The following PJA2 variants were observed in gnomAD, a reference collection of about 807,000 sequenced individuals.
PJA2 encodes praja ring finger ubiquitin ligase 2, also known as E3 ubiquitin-protein ligase Praja-2.
Under a neutral mutation model 69.3 loss-of-function variants are expected in PJA2, and 25 were observed. That is an observed-to-expected ratio of 0.36 (90% CI 0.26 to 0.50). The LOEUF is 0.50. Ranked by LOEUF, PJA2 falls within the 20% of genes least tolerant of loss-of-function variation. The probability of loss-of-function intolerance (pLI) is 0.96; values close to 1 mark genes in which losing one functional copy is unlikely to be tolerated. For missense variants in PJA2, 809 were observed against 830.2 expected (o/e 0.97, Z 0.31); for synonymous variants, 308 against 277.8 (o/e 1.11, Z -1.08).
chr5:109,400,186 A>G (rs1019405555), intron 1 of PJA2, among the ~76,000 whole-genome samples: 2 of 151,794 alleles, frequency 1.3e-5, no homozygotes, highest in African/African-American at 4.8e-5. Context: ...GCTACTCAGG[A>G]GGCTGAGGTA....
chr5:109,395,058 G>A (rs1220371718), intron 1 of PJA2, among the ~76,000 whole-genome samples: 5 of 152,178 alleles, frequency 3.3e-5, no homozygotes, highest in African/African-American at 1.2e-4. Flanking sequence ...TTAGGGAGCA[G>A]TGTTCCAAGT....
At position 109,374,389 on chromosome 5, in the gene PJA2, G is replaced by A. The variant is rs760256076; in HGVS notation, c.1283+3815C>T. On this transcript the variant is annotated intron_variant, in intron 4 of 9. Coordinates refer to ENST00000361189, the MANE Select transcript of PJA2 (RefSeq NM_014819.5). ...CTGCATATAGATGTTTTATTTGTTG[G>A]GGGTAGTACCAAGTTCTCAGACAAA... 6.5e-4 allele frequency among the ~76,000 whole-genome samples: 99 copies of A among 152,142 alleles called. 2 individuals are homozygous for A. Among genetic ancestry groups the A allele is most frequent in the Non-Finnish European group, 1.3e-4 (9 of 68,022 alleles).
intron 1 of PJA2, among the ~76,000 whole-genome samples, chr5:109,403,433 CT>C (rs1747608279): frequency 6.6e-6 from 1 of 151,632 alleles, no homozygotes; most frequent in South Asian, 2.1e-4. Flanking sequence ...CATGCAAACT[CT>C]AAAAAAAATT....
At chr5:109,368,857 T>G (rs1440499256) in intron 4 of PJA2, 111 bp from the exon 5 acceptor site, 2 of 1,130,544 alleles carry the variant, frequency 1.8e-6, no homozygotes, top group Non-Finnish European at 2.5e-6. Context: ...AATCTCATGT[T>G]GAACTGTAAT....
chr5:109,356,072 G>C, intron 6 of PJA2, 46 bp from the exon 7 acceptor site: 4 of 1,307,006 alleles, frequency 3.1e-6, no homozygotes, highest in Non-Finnish European at 4.4e-6. Flanking sequence ...ACTATGATTT[G>C]GGAAATCTTA....
chr5:109,395,018 C>G (rs1747375483), intron 1 of PJA2, among the ~76,000 whole-genome samples: 1 of 152,154 alleles, frequency 6.6e-6, no homozygotes, highest in Non-Finnish European at 1.5e-5. Context: ...TATGAGCCAA[C>G]AAGCCAGAAA....
rs777642271 is a variant in PJA2, at chr5:109,368,521, G to A, written c.1469+40C>T. On this transcript the variant is annotated intron_variant, in intron 5 of 9. Coordinates refer to ENST00000361189, the MANE Select transcript of PJA2 (RefSeq NM_014819.5). ...TTTGAATGTAAAATATACCACTCTT[G>A]TACAATATACAGAAAAATAAATCTC... is the stretch of plus-strand genomic sequence containing the variant. 7 of 1,548,768 alleles carry A rather than the reference G, an allele frequency of 4.5e-6. No homozygotes were observed. The African/African-American group carries it at 8.2e-5, about 18-fold the overall frequency.
At chr5:109,377,180 A>G (rs979875) in intron 4 of PJA2, among the ~76,000 whole-genome samples, 70 of 152,280 alleles carry the variant, frequency 4.6e-4, no homozygotes, top group African/African-American at 1.5e-3. Flanking sequence ...AGCTTAATTC[A>G]TATGTCCAAA....
At chr5:109,351,151 TATCTAGAC>T (rs1459391563) in intron 7 of PJA2, among the ~76,000 whole-genome samples, 3 of 149,722 alleles carry the variant, frequency 2.0e-5, no homozygotes, top group Non-Finnish European at 4.5e-5. Flanking sequence ...ATCTAAAGAA[TATCTAGAC>T]AAGTTGATGT....
In PJA2 at chr5:109,378,205, T is replaced by TATC. The variant is rs761778543; in HGVS notation, c.1279_1281dup (p.Asp427dup). ...AAAAAGTACTGGATGTGACCTTACC[T>TATC]ATCTTCATCTTTGTCATAGAGTTGG... On this transcript the variant is annotated inframe_insertion and splice_region_variant, in exon 4 of 10. Coordinates refer to ENST00000361189, the MANE Select transcript of PJA2 (RefSeq NM_014819.5). 4 of 1,606,596 alleles carry TATC rather than the reference T, an allele frequency of 2.5e-6. No homozygotes were observed. The East Asian group carries it at 8.9e-5, about 36-fold the overall frequency.
At chr5:109,381,162 G>A (rs1747038479) in intron 3 of PJA2, among the ~76,000 whole-genome samples, 1 of 151,442 alleles carries the variant, frequency 6.6e-6, no homozygotes. Context: ...ATTATATGCA[G>A]GGAAAAAATA....
chr5:109,377,526 T>C (rs951301380), intron 4 of PJA2, among the ~76,000 whole-genome samples: 1 of 152,112 alleles, frequency 6.6e-6, no homozygotes, highest in African/African-American at 2.4e-5. Flanking sequence ...TTATGTTCTG[T>C]TGAAAATAGC....
intron 1 of PJA2, among the ~76,000 whole-genome samples, chr5:109,386,484 T>G (rs973733664): frequency 2.6e-5 from 4 of 152,178 alleles, no homozygotes; most frequent in Admixed American, 1.3e-4. Context: ...TTAATGTGAT[T>G]CCACTTTTCT....
rs1017395298 is a variant in PJA2 at position 109,378,844 on chromosome 5, G to C, written c.643C>G (p.Leu215Val). 1 of 1,613,854 alleles carries C rather than the reference G, an allele frequency of 6.2e-7. No individual in the cohort carries two copies. The highest frequency in any genetic ancestry group is 1.3e-5 in the African/African-American group (1 of 75,044). The part of the protein sequence containing the change: ...ENREAEAYTG[L>V]SPPVPSFNCE... ...TTAAATGAGGGAACTGGTGGTGAAA[G>C]ACCAGTGTATGCCTCTGCCTCTCTG... Residue 215 changes from leucine (L) to valine (V), a missense_variant, in exon 4 of 10, where the codon CTT (leucine) becomes GTT (valine). This residue lies in a region of PJA2 where 700 missense variants were observed against 639.5 expected (regional missense o/e 1.09). Coordinates refer to ENST00000361189, the MANE Select transcript of PJA2 (RefSeq NM_014819.5).
chr5:109,365,461 A>C (rs958174025), intron 5 of PJA2, among the ~76,000 whole-genome samples: 1 of 152,178 alleles, frequency 6.6e-6, no homozygotes, highest in Non-Finnish European at 1.5e-5. Context: ...TGGAACGTGT[A>C]CACATATATG....
At position 109,378,614 on chromosome 5, in the gene PJA2, C is replaced by T. The variant is rs1746956705; in HGVS notation, c.873G>A (p.Gly291=). ...TGGTATTTTGTTCACTACAAATATGCCCTGGACCACAGGCTGCATCTTCAG... is the reference window on the plus strand; with the variant it reads ...TGGTATTTTGTTCACTACAAATATGTCCTGGACCACAGGCTGCATCTTCAG... ...HSPEDAACGP[G]HICSEQNTND... Residue 291 remains glycine, a synonymous_variant, in exon 4 of 10, where the codon GGG becomes GGA. Coordinates refer to ENST00000361189, the MANE Select transcript of PJA2 (RefSeq NM_014819.5). 5.0e-6 allele frequency: 8 copies of T among 1,614,048 alleles called. No homozygotes were observed. Among genetic ancestry groups the T allele is most frequent in the Non-Finnish European group, 6.8e-6 (8 of 1,180,030 alleles).
intron 4 of PJA2, among the ~76,000 whole-genome samples, chr5:109,375,505 C>G (rs1178896992): frequency 2.0e-5 from 3 of 151,744 alleles, no homozygotes; most frequent in Non-Finnish European, 4.4e-5. Flanking sequence ...GAAACTCTGT[C>G]TCGAAATAAA....
At chr5:109,342,193 A>G (rs1333653799) in intron 9 of PJA2, among the ~76,000 whole-genome samples, 1 of 45,386 alleles carries the variant, frequency 2.2e-5, no homozygotes, top group Non-Finnish European at 4.2e-5. Flanking sequence ...TCCGGGAGGG[A>G]GGTGGGGGGG....
intron 1 of PJA2, among the ~76,000 whole-genome samples, chr5:109,404,949 TAAG>T (rs952011761): frequency 9.1e-4 from 138 of 152,304 alleles, no homozygotes; most frequent in South Asian, 1.0e-3. Context: ...TTAGCCAGTC[TAAG>T]AAGAAGAAAA....
Sources: gnomAD v4.1 joint callset for allele counts (sites outside exome capture counted in the v4.1 genomes callset) on GRCh38, gnomAD v4.1.1 for gene constraint, gnomAD v4.1.1 regional missense constraint, MANE v1.5 for transcripts, NCBI Gene and HGNC (gene_info 2026-07-23, HGNC 2026-07-21) for gene names.